Variants in RBL1 observed in about 807,000 individuals in gnomAD.
The protein encoded by RBL1 is RB transcriptional corepressor like 1.
RBL1 carries 82 observed loss-of-function variants against 123.0 expected under a neutral mutation model. The observed-to-expected ratio is 0.67, with a 90% CI of 0.56 to 0.80. The LOEUF is 0.80. RBL1 is among the 30% of genes least tolerant of loss of function. RBL1 has a pLI of 0.00. For missense variants in RBL1, 1,171 were observed against 1,299.6 expected, an observed-to-expected ratio of 0.90 and a Z score of 1.52; for synonymous variants, 405 against 441.3, an observed-to-expected ratio of 0.92 and a Z score of 1.03.
At chr20:37,030,457 C>T (rs548795210) in intron 16 of RBL1, among the ~76,000 whole-genome samples, 4 of 151,758 alleles carry the variant, frequency 2.6e-5, no homozygotes, top group African/African-American at 9.7e-5. Flanking sequence ...TGGTGGCTCA[C>T]GGCTGTAATC....
intron 16 of RBL1, among the ~76,000 whole-genome samples, chr20:37,025,394 C>T (rs529410534): frequency 1.3e-5 from 2 of 152,096 alleles, no homozygotes; most frequent in East Asian, 3.9e-4. Context: ...GTAGCCTGTG[C>T]CTATAGTCCC....
In RBL1 at chr20:37,001,397, T is replaced by C. The variant is rs879487178; in HGVS notation, c.3036+2305A>G. ...AGAAAGAGGTAGACATGGGAGACTT[T>C]TCATTTTGTTCTGTACTAAGAAAAA... On this transcript the variant is annotated intron_variant, in intron 21 of 21. Coordinates refer to ENST00000373664, the MANE Select transcript of RBL1 (RefSeq NM_002895.5). Among the ~76,000 whole-genome samples the C allele has an allele frequency of 3.8e-3, 578 of 150,502 alleles. 1 individual carries two copies. The highest frequency in any genetic ancestry group is 0.014 in the Middle Eastern group (4 of 290).
Position 37,062,107 on chromosome 20 carries a change from T to A in RBL1, c.1060A>T (p.Asn354Tyr), listed in dbSNP as rs146015204. The A allele has an allele frequency of 6.2e-7, 1 of 1,613,958 alleles. No individual in the cohort carries two copies. Among genetic ancestry groups the A allele is most frequent in the Non-Finnish European group, 8.5e-7 (1 of 1,179,998 alleles). ...ACTTTTTCAAAGTGCTGTTGAAGGTTATACTCCACATTAGCCTGTGCTGTC... is the reference window on the plus strand; with the variant it reads ...ACTTTTTCAAAGTGCTGTTGAAGGTAATACTCCACATTAGCCTGTGCTGTC... ...KLTAQANVEY[N>Y]LQQHFEKKRS... The change falls in exon 8 of 22, where the codon AAC becomes TAC. Residue 354 changes from asparagine (N) to tyrosine (Y), a missense_variant. Asn to Tyr is a moderately radical substitution (Grantham distance 143). Coordinates refer to ENST00000373664, the MANE Select transcript of RBL1 (RefSeq NM_002895.5).
chr20:37,037,221 C>T (rs911695451), intron 14 of RBL1, among the ~76,000 whole-genome samples: 1 of 152,150 alleles, frequency 6.6e-6, no homozygotes, highest in African/African-American at 2.4e-5. Context: ...CATTTCAAGG[C>T]AAGACTCGAG....
chr20:37,037,843 T>C (rs8117911), intron 14 of RBL1, among the ~76,000 whole-genome samples: 39,998 of 151,806 alleles, frequency 0.26, 6,109 homozygotes, highest in African/African-American at 0.41. Context: ...CATGCTGCCA[T>C]GCTTGCCTAA....
Position 37,089,076 on chromosome 20 carries a change from C to T in RBL1, c.203G>A (p.Arg68His), listed in dbSNP as rs891226713. ...WLACSLYVAC[R>H]KSIIPTVGKG... is the part of the protein sequence containing the mutation. ...TCCAACCGTGGGAATAATGCTTTTG[C>T]GGCATGCAACATATAATGAACATGC... The change falls in exon 2 of 22, where the codon CGC becomes CAC. Residue 68 changes from arginine (R) to histidine (H), a missense_variant. Physicochemically the swap from Arg to His is conservative, Grantham distance 29 (BLOSUM62 0). Transcript: ENST00000373664. 7 of 1,611,190 alleles carry T rather than the reference C, an allele frequency of 4.3e-6. No homozygotes were observed. The highest frequency in any genetic ancestry group is 1.7e-5 in the Admixed American group (1 of 59,690).
At chr20:37,000,876 C>T (rs1437304243) in intron 21 of RBL1, among the ~76,000 whole-genome samples, 10 of 141,500 alleles carry the variant, frequency 7.1e-5, no homozygotes, top group African/African-American at 1.3e-4. Flanking sequence ...CCCGGCCAGC[C>T]GCCCCGTCCA....
chr20:37,008,635 G>T (rs897542389), intron 19 of RBL1, among the ~76,000 whole-genome samples: 1 of 152,082 alleles, frequency 6.6e-6, no homozygotes, highest in Non-Finnish European at 1.5e-5. Context: ...CAATTAAAAA[G>T]AATTTAGCAC....
intron 2 of RBL1, chr20:37,082,050 T>C (rs1892205): frequency 0.53 from 239,954 of 455,266 alleles, 65,725 homozygotes; most frequent in African/African-American, 0.77. Flanking sequence ...GCACAGAGCA[T>C]GTGTCTCTAT....
At chr20:37,017,165 G>A (rs370092612) in intron 19 of RBL1, among the ~76,000 whole-genome samples, 36 of 151,964 alleles carry the variant, frequency 2.4e-4, no homozygotes, top group Admixed American at 1.2e-3. Context: ...TTGAGCTCAC[G>A]ATTTCGAGAC....
intron 1 of RBL1, 122 bp downstream of exon 1, chr20:37,095,651 T>G: frequency 2.3e-6 from 2 of 864,104 alleles, no homozygotes; most frequent in South Asian, 6.2e-5. Flanking sequence ...CCTCGGCGCT[T>G]GGCTGCGCAG....
chr20:37,066,657 C>T (rs2065180718), intron 6 of RBL1, 67 bp downstream of exon 6: 3 of 1,467,442 alleles, frequency 2.0e-6, no homozygotes, highest in South Asian at 1.3e-5. Context: ...TTGCTTAAAA[C>T]ATTTTTTTCT....
chr20:37,045,519 A>T (rs2146268753), intron 12 of RBL1, among the ~76,000 whole-genome samples: 1 of 152,266 alleles, frequency 6.6e-6, no homozygotes. Flanking sequence ...TTAGGAGGCC[A>T]CAGTGAGAGG....
In RBL1 at chr20:37,056,231, G is replaced by A. The variant is rs752036445; in HGVS notation, c.1278C>T (p.Asn426=). Residue 426 remains asparagine, a synonymous_variant, in exon 10 of 22, where the codon AAC becomes AAT. Coordinates refer to ENST00000373664, the MANE Select transcript of RBL1 (RefSeq NM_002895.5). Reference sequence around the variant, plus strand: ...CTATTCCTTTTAGTATTTTCATAATGTTTTCCACAGGATTACGCACACAAG... The same window carrying A: ...CTATTCCTTTTAGTATTTTCATAATATTTTCCACAGGATTACGCACACAAG... The part of the protein sequence containing the change: ...FESCVRNPVE[N]IMKILKGIGE... The A allele has an allele frequency of 4.4e-6, 7 of 1,599,212 alleles. No homozygotes were observed. In the East Asian group the frequency reaches 1.6e-4, roughly 36 times the overall value.
intron 4 of RBL1, 45 bp downstream of exon 4, chr20:37,067,188 A>G (rs201176813): frequency 8.2e-6 from 13 of 1,576,434 alleles, no homozygotes; most frequent in Middle Eastern, 1.7e-4. Flanking sequence ...AATAGCACCA[A>G]GTTCCCAGAG....
intron 7 of RBL1, among the ~76,000 whole-genome samples, chr20:37,064,104 T>C (rs1034197745): frequency 1.3e-5 from 2 of 151,602 alleles, no homozygotes; most frequent in Non-Finnish European, 2.9e-5. Context: ...ATTACAGGTG[T>C]GAGCCACTGT....
intron 11 of RBL1, among the ~76,000 whole-genome samples, chr20:37,050,927 G>A (rs1480443409): frequency 4.0e-5 from 6 of 151,742 alleles, no homozygotes; most frequent in Admixed American, 2.0e-4. Context: ...TAGTAACAGT[G>A]GAATCTATAA....
intron 19 of RBL1, among the ~76,000 whole-genome samples, chr20:37,017,882 G>A (rs1413878440): frequency 1.3e-5 from 2 of 151,924 alleles, no homozygotes; most frequent in African/African-American, 4.8e-5. Context: ...TGATCCACCC[G>A]CCTTGGCCTC....
At chr20:37,079,110 G>T (rs189409128) in intron 2 of RBL1, among the ~76,000 whole-genome samples, 177 of 151,496 alleles carry the variant, frequency 1.2e-3, no homozygotes, top group Middle Eastern at 3.4e-3. Context: ...AGGGTGAGGT[G>T]GGAGGACTGA....
Sources: allele counts gnomAD v4.1 joint callset (sites outside exome capture counted in the v4.1 genomes callset), GRCh38; gene constraint gnomAD v4.1.1; transcripts MANE v1.5; gene names NCBI Gene and HGNC (gene_info 2026-07-23, HGNC 2026-07-21).